The following ACOT7 variants were observed in gnomAD, a reference collection of about 807,000 sequenced individuals.
ACOT7 encodes cytosolic acyl coenzyme A thioester hydrolase.
Under a neutral mutation model 40.2 loss-of-function variants are expected in ACOT7, and 12 were observed. The ratio of observed to expected loss-of-function variants is 0.30; its 90% confidence interval spans 0.19 to 0.48. ACOT7 has a LOEUF of 0.48. Among genes scored for constraint, ACOT7 ranks in the 20% least tolerant of loss-of-function variants. The pLI, the probability that ACOT7 is intolerant of heterozygous loss-of-function variation, is 0.99. For missense variants in ACOT7, 395 were observed against 530.8 expected, an observed-to-expected ratio of 0.74 and a Z score of 2.51; for synonymous variants, 228 against 219.5, an observed-to-expected ratio of 1.04 and a Z score of -0.34.
chr1:6,392,380 C>T (rs1557678385), intron 1 of ACOT7, among the ~76,000 whole-genome samples: 2 of 152,230 alleles, frequency 1.3e-5, no homozygotes, highest in African/African-American at 4.8e-5. Flanking sequence ...CCTCACTTAG[C>T]TCATGCACAA....
At chr1:6,393,210 G>A (rs1642563889) in intron 1 of ACOT7, 47 bp downstream of exon 1, 1 of 1,248,738 alleles carries the variant, frequency 8.0e-7, no homozygotes, top group East Asian at 3.0e-5. Flanking sequence ...CTGGGGCGGT[G>A]ACCGGCGCGC....
At chr1:6,386,308 G>C (rs891681475) in intron 1 of ACOT7, among the ~76,000 whole-genome samples, 7 of 152,186 alleles carry the variant, frequency 4.6e-5, no homozygotes, top group Non-Finnish European at 1.0e-4. Context: ...AGTAGCTCTG[G>C]GGTGGAGGCT....
At chr1:6,372,988 G>T (rs1316602023) in intron 1 of ACOT7, among the ~76,000 whole-genome samples, 1 of 152,134 alleles carries the variant, frequency 6.6e-6, no homozygotes, top group Non-Finnish European at 1.5e-5. Context: ...GAGAGATGGG[G>T]AAATAGCCGG....
At chr1:6,370,469 T>G (rs1202639229) in intron 1 of ACOT7, among the ~76,000 whole-genome samples, 3 of 94,776 alleles carry the variant, frequency 3.2e-5, no homozygotes, top group Admixed American at 1.8e-4. Context: ...ATTATTATTA[T>G]TATTATTATT....
At chr1:6,305,861 G>A (rs76352533) in intron 6 of ACOT7, among the ~76,000 whole-genome samples, 4,620 of 151,378 alleles carry the variant, frequency 0.031, 89 homozygotes, top group South Asian at 0.048. Flanking sequence ...AGGTTGTAGC[G>A]AGCCGAGATC....
At position 6,318,574 on chromosome 1, in the gene ACOT7, C is replaced by T. The variant is rs781013284; in HGVS notation, c.630G>A (p.Pro210=). ...DIVQPVLNPE[P]NTVSYSQSSL... ...TGGACTGGCTGTAGCTGACAGTGTTCGGCTCTGGAATTGCAAAAGAGAGAG... is the reference window on the plus strand; with the variant it reads ...TGGACTGGCTGTAGCTGACAGTGTTTGGCTCTGGAATTGCAAAAGAGAGAG... Residue 210 remains proline, a synonymous_variant, in exon 6 of 9, where the codon CCG becomes CCA. Coordinates refer to ENST00000361521, the MANE Select transcript of ACOT7 (RefSeq NM_007274.4). 43 of 1,613,788 alleles carry T rather than the reference C, an allele frequency of 2.7e-5. No homozygotes were observed. Among genetic ancestry groups the T allele is most frequent in the Admixed American group, 5.0e-5 (3 of 59,978 alleles).
chr1:6,316,113 C>A (rs543479052), intron 6 of ACOT7, among the ~76,000 whole-genome samples: 2 of 152,266 alleles, frequency 1.3e-5, no homozygotes, highest in East Asian at 3.9e-4. Flanking sequence ...AACATGTCGA[C>A]AAAGTAAGCA....
chr1:6,383,744 G>A (rs547743552), intron 1 of ACOT7, among the ~76,000 whole-genome samples: 2 of 151,528 alleles, frequency 1.3e-5, no homozygotes, highest in Admixed American at 1.3e-4. Context: ...TTGCTCCGTG[G>A]CCCAGGCTGG....
chr1:6,269,525 G>A (rs1023257144), intron 8 of ACOT7, among the ~76,000 whole-genome samples: 4 of 152,240 alleles, frequency 2.6e-5, no homozygotes, highest in East Asian at 3.9e-4. Context: ...TGCTTCTCTC[G>A]AGGTCAGTTA....
At chr1:6,308,908 C>T (rs1347364122) in intron 6 of ACOT7, among the ~76,000 whole-genome samples, 1 of 152,214 alleles carries the variant, frequency 6.6e-6, no homozygotes, top group Non-Finnish European at 1.5e-5. Flanking sequence ...TCATAGCTGG[C>T]GCAGTCAGTG....
intron 4 of ACOT7, among the ~76,000 whole-genome samples, chr1:6,329,356 T>A (rs1640892925): frequency 6.6e-6 from 1 of 152,186 alleles, no homozygotes; most frequent in East Asian, 1.9e-4. Context: ...TTCAACCTTT[T>A]CCTCCATAAA....
intron 1 of ACOT7, among the ~76,000 whole-genome samples, chr1:6,360,960 T>G (rs538611241): frequency 5.3e-5 from 8 of 152,218 alleles, no homozygotes; most frequent in African/African-American, 1.4e-4. Flanking sequence ...ATCTCAAAGT[T>G]AAACAACTAC....
At chr1:6,390,403 C>A (rs1642514370) in intron 1 of ACOT7, among the ~76,000 whole-genome samples, 1 of 151,208 alleles carries the variant, frequency 6.6e-6, no homozygotes, top group Non-Finnish European at 1.5e-5. Context: ...GAAACCCCAT[C>A]TCTACTAAAA....
intron 1 of ACOT7, among the ~76,000 whole-genome samples, chr1:6,385,157 C>T (rs998188769): frequency 4.0e-5 from 6 of 151,896 alleles, no homozygotes; most frequent in African/African-American, 1.4e-4. Flanking sequence ...AAGCAGGGCA[C>T]GGATGCCAGC....
intron 2 of ACOT7, among the ~76,000 whole-genome samples, chr1:6,342,225 G>T (rs1641296066): frequency 6.6e-6 from 1 of 152,148 alleles, no homozygotes; most frequent in Admixed American, 6.5e-5. Flanking sequence ...TCCTCACGTG[G>T]TGGCCGGGGC....
chr1:6,364,335 C>T (rs377417273), intron 1 of ACOT7, among the ~76,000 whole-genome samples: 1 of 149,976 alleles, frequency 6.7e-6, no homozygotes, highest in Non-Finnish European at 1.5e-5. Context: ...TGAGGTCGGG[C>T]GTTCAAGACC....
At chr1:6,381,901 G>A (rs1383028461) in intron 1 of ACOT7, among the ~76,000 whole-genome samples, 8 of 151,540 alleles carry the variant, frequency 5.3e-5, no homozygotes, top group Admixed American at 2.0e-4. Flanking sequence ...TTGGGAGGCC[G>A]AGGCAGGTGG....
At chr1:6,372,582 G>C (rs1221442131) in intron 1 of ACOT7, among the ~76,000 whole-genome samples, 2 of 134,424 alleles carry the variant, frequency 1.5e-5, no homozygotes, top group Non-Finnish European at 3.0e-5. Flanking sequence ...TGAGAGTCTC[G>C]CTCTGTCGCC....
chr1:6,281,541 G>A (rs940091995), intron 7 of ACOT7, among the ~76,000 whole-genome samples: 9 of 152,232 alleles, frequency 5.9e-5, no homozygotes, highest in South Asian at 2.1e-4. Context: ...TCAAGCCCCC[G>A]CCCAGGCGGG....
Sources: gnomAD v4.1 joint callset for allele counts (sites outside exome capture counted in the v4.1 genomes callset) on GRCh38, gnomAD v4.1.1 for gene constraint, MANE v1.5 for transcripts, NCBI Gene and HGNC (gene_info 2026-07-23, HGNC 2026-07-21) for gene names.